Variants in FLVCR2 observed in about 807,000 individuals in gnomAD.
FLVCR2 encodes FLVCR choline and putative heme transporter 2.
A neutral mutation model predicts 48.9 loss-of-function variants in FLVCR2; 38 were observed. The ratio of observed to expected loss-of-function variants is 0.78; its 90% CI spans 0.60 to 1.02. The LOEUF is 1.02. FLVCR2 is among the 50% of genes least tolerant of loss of function. The pLI is 0.00. For synonymous variants in FLVCR2, 255 were observed against 257.0 expected (o/e 0.99, Z 0.07); for missense variants, 664 against 663.3 (o/e 1.00, Z -0.01).
At chr14:75,605,916 G>T in intron 1 of FLVCR2, 1 of 433,834 alleles carries the variant, frequency 2.3e-6, no homozygotes, top group Middle Eastern at 6.7e-4. Context: ...GACATGGCTG[G>T]GTCTCCTTTG....
At chr14:75,633,850 C>G (rs866932069) in intron 4 of FLVCR2, among the ~76,000 whole-genome samples, 154 bp downstream of exon 4, 2 of 151,928 alleles carry the variant, frequency 1.3e-5, no homozygotes, top group Non-Finnish European at 2.9e-5. Context: ...GGAGATGGCC[C>G]TAGATCTCAA....
At chr14:75,603,956 T>C (rs1425725534) in intron 1 of FLVCR2, among the ~76,000 whole-genome samples, 1 of 152,228 alleles carries the variant, frequency 6.6e-6, no homozygotes, top group Non-Finnish European at 1.5e-5. Context: ...TAGCAGCTGC[T>C]TGCAGATGGA....
chr14:75,610,741 T>C (rs1234036421), intron 1 of FLVCR2, among the ~76,000 whole-genome samples: 1 of 150,838 alleles, frequency 6.6e-6, no homozygotes, highest in Non-Finnish European at 1.5e-5. Flanking sequence ...GGTCTAAGAG[T>C]GAGAAGTTGA....
At chr14:75,614,240 A>T (rs1162304659) in intron 1 of FLVCR2, among the ~76,000 whole-genome samples, 2 of 152,242 alleles carry the variant, frequency 1.3e-5, no homozygotes, top group Admixed American at 1.3e-4. Context: ...ACTTTCTCTG[A>T]GAACCTTGTC....
intron 3 of FLVCR2, among the ~76,000 whole-genome samples, chr14:75,632,363 C>T (rs888845853): frequency 1.3e-5 from 2 of 152,076 alleles, no homozygotes; most frequent in South Asian, 2.1e-4. Flanking sequence ...TCTGGTGATA[C>T]AAATGGACAG....
chr14:75,622,068 GT>G lies in FLVCR2; in HGVS notation c.670-10del. 1 of 1,614,144 alleles carries G rather than the reference GT, an allele frequency of 6.2e-7. No homozygotes were observed. The highest frequency in any genetic ancestry group is 8.5e-7 in the Non-Finnish European group (1 of 1,180,006). Reference sequence around the variant, plus strand: ...TGGTAACTGTGATTGGGTTGTCTCTGTCTTCTATAGCTTGGAATTGCGATTG... The same window carrying G: ...TGGTAACTGTGATTGGGTTGTCTCTGCTTCTATAGCTTGGAATTGCGATTG... On this transcript the variant is annotated splice_polypyrimidine_tract_variant and intron_variant, in intron 1 of 9. Transcript: ENST00000238667.
In FLVCR2 at chr14:75,622,201, C is replaced by T. The variant is rs1240371879; in HGVS notation, c.792C>T (p.Leu264=). Residue 264 remains leucine (L), a synonymous_variant, in exon 2 of 10, where the codon CTC becomes CTT. Transcript: ENST00000238667. ...TAATAGGAGGTGTGGCCACTCTCCT[C>T]CTCATCCTTGTCATCATTGGTAAGG... is the stretch of plus-strand genomic sequence containing the variant. ...FYIIGGVATL[L]LILVIIVFKE... 3.7e-6 allele frequency: 6 copies of T among 1,613,930 alleles called. No homozygotes were observed. The African/African-American group carries it at 6.7e-5, about 18-fold the overall frequency.
intron 4 of FLVCR2, 128 bp from the exon 5 acceptor site, chr14:75,634,782 T>A (rs1890125438): frequency 2.9e-6 from 2 of 687,890 alleles, no homozygotes. Context: ...CTTGTCCCGA[T>A]ATGTTCTGAA....
chr14:75,626,831 C>T (rs1044092669), intron 3 of FLVCR2, among the ~76,000 whole-genome samples: 1 of 151,854 alleles, frequency 6.6e-6, no homozygotes, highest in Non-Finnish European at 1.5e-5. Flanking sequence ...AGTGCATTGA[C>T]CTCTGACAAC....
intron 7 of FLVCR2, 56 bp from the exon 8 acceptor site, chr14:75,641,126 T>C: frequency 6.5e-7 from 1 of 1,548,566 alleles, no homozygotes; most frequent in South Asian, 1.1e-5. Context: ...GCTCAGTTCT[T>C]CCTCATGAGT....
intron 5 of FLVCR2, among the ~76,000 whole-genome samples, chr14:75,636,074 C>T (rs1175109480): frequency 6.6e-6 from 1 of 152,182 alleles, no homozygotes; most frequent in African/African-American, 2.4e-5. Context: ...CAGTGCTCCC[C>T]GTTCACTGGG....
intron 3 of FLVCR2, chr14:75,631,608 G>A (rs577121794): frequency 2.9e-6 from 1 of 349,100 alleles, no homozygotes; most frequent in Non-Finnish European, 5.7e-6. Context: ...CAAAGCAGCT[G>A]TTCCCCTGAA....
chr14:75,635,584 G>C (rs191569712), intron 5 of FLVCR2, among the ~76,000 whole-genome samples: 3 of 152,194 alleles, frequency 2.0e-5, no homozygotes, highest in Non-Finnish European at 4.4e-5. Context: ...GTTTTATCAG[G>C]CTGGGCGCAG....
intron 1 of FLVCR2, among the ~76,000 whole-genome samples, chr14:75,610,620 G>T (rs1889417929): frequency 6.6e-6 from 1 of 152,190 alleles, no homozygotes; most frequent in African/African-American, 2.4e-5. Context: ...CAAGATCAAG[G>T]TATATTACAT....
chr14:75,605,693 A>T, intron 1 of FLVCR2: 12 of 1,438,846 alleles, frequency 8.3e-6, no homozygotes, highest in Non-Finnish European at 1.0e-5. Context: ...CTTAGGAGGG[A>T]GGAGTGTTTG....
chr14:75,579,233 G>T lies in FLVCR2; in HGVS notation c.261G>T (p.Val87=). 6.2e-7 allele frequency: 1 copy of T among 1,614,226 alleles called. No individual in the cohort carries two copies. Among genetic ancestry groups the T allele is most frequent in the Non-Finnish European group, 8.5e-7 (1 of 1,180,046 alleles). The change falls in exon 1 of 10, where the codon GTG becomes GTT. Residue 87 remains valine, a synonymous_variant. Coordinates refer to ENST00000238667, the MANE Select transcript of FLVCR2 (RefSeq NM_017791.3). Reference sequence around the variant, plus strand: ...AGGTGAGCAGGCGCCGTTGGGCCGTGGTCCTGGTGTTTAGCTGCTACTCCA... The same window carrying T: ...AGGTGAGCAGGCGCCGTTGGGCCGTTGTCCTGGTGTTTAGCTGCTACTCCA... ...VIKVSRRRWA[V]VLVFSCYSMC...
rs775209471 is a variant in FLVCR2, at chr14:75,579,467, C to T, written c.495C>T (p.Ala165=). The T allele has an allele frequency of 2.5e-5, 41 of 1,613,532 alleles. No homozygotes were observed. In the South Asian group the frequency reaches 4.0e-4, roughly 16 times the overall value. ...GCTCGGCTCTCAACTGCCTGGGGGC[C>T]TGGGTGAAGCTGGGCAGCCTGAAGC... ...LTGSALNCLG[A]WVKLGSLKPH... is the part of the protein sequence containing the mutation. The change falls in exon 1 of 10, where the codon GCC becomes GCT. Residue 165 remains alanine, a synonymous_variant. Coordinates refer to ENST00000238667, the MANE Select transcript of FLVCR2 (RefSeq NM_017791.3).
chr14:75,612,419 C>G (rs1434603568), intron 1 of FLVCR2, among the ~76,000 whole-genome samples: 3 of 152,170 alleles, frequency 2.0e-5, no homozygotes, highest in Non-Finnish European at 4.4e-5. Context: ...AGCTGTAACC[C>G]TACTCCCTAA....
At chr14:75,589,787 A>C (rs1180642042) in intron 1 of FLVCR2, among the ~76,000 whole-genome samples, 1 of 152,160 alleles carries the variant, frequency 6.6e-6, no homozygotes, top group African/African-American at 2.4e-5. Context: ...GATGCCACCA[A>C]AGTTTATAGT....
Sources: allele counts gnomAD v4.1 joint callset (sites outside exome capture counted in the v4.1 genomes callset), GRCh38; gene constraint gnomAD v4.1.1; transcripts MANE v1.5; gene names NCBI Gene and HGNC (gene_info 2026-07-23, HGNC 2026-07-21).